XPO1: variants seen among roughly 807,000 people sequenced by gnomAD.
XPO1 encodes the protein exportin 1, also known as exportin-1.
A neutral mutation model predicts 133.3 loss-of-function variants in XPO1; 5 were observed. That is an observed-to-expected ratio of 0.04 (90% CI 0.02 to 0.08). The LOEUF is 0.08. XPO1 is among the 10% of genes least tolerant of loss of function. The probability of loss-of-function intolerance (pLI) is 1.00; values close to 1 mark genes in which losing one functional copy is unlikely to be tolerated. For synonymous variants in XPO1, 419 were observed against 408.2 expected, an observed-to-expected ratio of 1.03 and a Z score of -0.32; for missense variants, 506 against 1,267.5, an observed-to-expected ratio of 0.40 and a Z score of 9.12.
At position 61,488,739 on chromosome 2, in the gene XPO1, G is replaced by A. The variant is rs1406912133; in HGVS notation, c.2055C>T (p.Val685=). 2.5e-6 allele frequency: 4 copies of A among 1,614,054 alleles called. No individual in the cohort carries two copies. In the South Asian group the frequency reaches 4.4e-5, roughly 18 times the overall value. The stretch of plus-strand genomic sequence containing the variant: ...TTTTCAAAATGCTACCAAGCTGCTT[G>A]ACTGTTTCAGGATCTTTCAGTATAT... The part of the protein sequence containing the change: ...NVDILKDPET[V]KQLGSILKTN... The change falls in exon 18 of 25, where the codon GTC becomes GTT. Residue 685 remains valine, a synonymous_variant. Transcript: ENST00000401558.
chr2:61,530,527 T>TC (rs1699102624), intron 2 of XPO1, among the ~76,000 whole-genome samples: 1 of 152,164 alleles, frequency 6.6e-6, no homozygotes, highest in Non-Finnish European at 1.5e-5. Flanking sequence ...GGAGAAAACA[T>TC]CCAACTCTTC....
intron 1 of XPO1, among the ~76,000 whole-genome samples, chr2:61,535,583 A>G (rs928854349): frequency 2.0e-5 from 3 of 152,258 alleles, no homozygotes; most frequent in African/African-American, 7.2e-5. Flanking sequence ...ATTTTAATGC[A>G]ATTGTCTTAT....
At chr2:61,482,603 T>TG (rs1011994966) in intron 22 of XPO1, 64 bp from the exon 23 acceptor site, 2 of 1,320,430 alleles carry the variant, frequency 1.5e-6, no homozygotes, top group African/African-American at 4.3e-5. Flanking sequence ...TAGCGTTTTT[T>TG]TTTGTTTTGT....
At chr2:61,486,364 G>A (rs1055501875) in intron 19 of XPO1, among the ~76,000 whole-genome samples, 1 of 152,166 alleles carries the variant, frequency 6.6e-6, no homozygotes, top group East Asian at 1.9e-4. Flanking sequence ...AGAAAAGTGA[G>A]GCTCAAAATT....
At chr2:61,513,663 A>G (rs989194713) in intron 4 of XPO1, among the ~76,000 whole-genome samples, 1 of 152,142 alleles carries the variant, frequency 6.6e-6, no homozygotes, top group African/African-American at 2.4e-5. Context: ...TTTGCATGAC[A>G]AAGATTTCTT....
chr2:61,506,553 C>G (rs935329959), intron 4 of XPO1, among the ~76,000 whole-genome samples: 3 of 132,896 alleles, frequency 2.3e-5, no homozygotes, highest in African/African-American at 8.7e-5. Context: ...GAGCCAAGAT[C>G]GTGCCACTGC....
At chr2:61,525,825 C>T (rs941619889) in intron 3 of XPO1, 1 of 1,039,920 alleles carries the variant, frequency 9.6e-7, no homozygotes, top group Non-Finnish European at 1.2e-6. Flanking sequence ...GGAAACCTTT[C>T]GTGTATTAAA....
intron 3 of XPO1, 84 bp from the exon 4 acceptor site, chr2:61,522,767 C>A (rs1404032895): frequency 2.1e-6 from 2 of 952,296 alleles, no homozygotes; most frequent in African/African-American, 3.3e-5. Flanking sequence ...CAGACATTCA[C>A]ACATTTACAT....
In XPO1 at chr2:61,525,083, A is replaced by G. The variant is rs1012073638; in HGVS notation, c.228+1337T>C. On this transcript the variant is annotated intron_variant, in intron 3 of 24. Transcript: ENST00000401558. Reference sequence around the variant, plus strand: ...AATCCACTGCTGAGTTATGAAGATGAGGGACAGATAACAGCAAAGACTAAA... The same window carrying G: ...AATCCACTGCTGAGTTATGAAGATGGGGGACAGATAACAGCAAAGACTAAA... Among the ~76,000 whole-genome samples the G allele has an allele frequency of 2.0e-5, 3 of 152,166 alleles. No homozygotes were observed. The South Asian group carries it at 6.2e-4, about 32-fold the overall frequency.
At chr2:61,518,571 C>T (rs1698527393) in intron 4 of XPO1, among the ~76,000 whole-genome samples, 1 of 148,980 alleles carries the variant, frequency 6.7e-6, no homozygotes, top group Non-Finnish European at 1.5e-5. Flanking sequence ...GAGCCGAGAT[C>T]ACGCCACTGC....
In XPO1 at chr2:61,526,497, T is replaced by C. The variant is rs1350405789; in HGVS notation, c.151A>G (p.Thr51Ala). 6.3e-7 allele frequency: 1 copy of C among 1,595,642 alleles called. No individual in the cohort carries two copies. The highest frequency in any genetic ancestry group is 1.4e-5 in the African/African-American group (1 of 73,948). Residue 51 changes from threonine (T) to alanine (A), a missense_variant, in exon 3 of 25, where the codon ACA becomes GCA. Around this residue, in one of 6 missense-constraint regions of XPO1, gnomAD observed 68 missense variants for 210.5 expected, o/e 0.32. Transcript: ENST00000401558. ...AQQRMAQEVLTHLKEHPDAWT... is the reference protein window; with the variant it reads ...AQQRMAQEVLAHLKEHPDAWT... ...GCATCAGGATGCTCCTTTAAATGTG[T>C]CAGTACTTCTTGAGCCATTCTTTGC...
At chr2:61,498,977 A>G (rs1304085979) in intron 7 of XPO1, 64 bp from the exon 8 acceptor site, 3 of 1,476,212 alleles carry the variant, frequency 2.0e-6, no homozygotes, top group Non-Finnish European at 2.7e-6. Context: ...TCAGTTATCT[A>G]TAATACTAAT....
chr2:61,496,898 G>A lies in XPO1; in HGVS notation c.869C>T (p.Thr290Ile), dbSNP rs776572018. The stretch of plus-strand genomic sequence containing the variant: ...TATTACCTGCTTTAGTTGCATCATT[G>A]TCAGAGTAAATAGTGTTACAAATTG... Reference protein sequence around the residue: ...EEQFVTLFTLTMMQLKQMLPL... With the variant: ...EEQFVTLFTLIMMQLKQMLPL... The change falls in exon 10 of 25, where the codon ACA (threonine) becomes ATA (isoleucine). Residue 290 changes from threonine to isoleucine, a missense_variant. Physicochemically the swap from Thr to Ile is moderately conservative, Grantham distance 89. Transcript: ENST00000401558. 6.2e-7 allele frequency: 1 copy of A among 1,604,078 alleles called. No homozygotes were observed. The highest frequency in any genetic ancestry group is 8.5e-7 in the Non-Finnish European group (1 of 1,176,808).
intron 2 of XPO1, among the ~76,000 whole-genome samples, chr2:61,528,720 G>A (rs1462961726): frequency 7.9e-6 from 1 of 126,414 alleles, no homozygotes; most frequent in Non-Finnish European, 1.6e-5. Flanking sequence ...ATCCAGCCAT[G>A]TCGACATTTT....
chr2:61,532,405 G>GC (rs1558683714), intron 2 of XPO1, among the ~76,000 whole-genome samples: 3 of 152,024 alleles, frequency 2.0e-5, no homozygotes, highest in South Asian at 4.1e-4. Flanking sequence ...GGGATTACAG[G>GC]CGTGAGCCAC....
At chr2:61,515,942 CA>C (rs1558664315) in intron 4 of XPO1, among the ~76,000 whole-genome samples, 57 of 48,562 alleles carry the variant, frequency 1.2e-3, no homozygotes, top group African/African-American at 2.2e-3. Context: ...AAAAACCACA[CA>C]CACACACACA....
At chr2:61,484,271 C>G in intron 20 of XPO1, 166 bp from the exon 21 acceptor site, 1 of 578,854 alleles carries the variant, frequency 1.7e-6, no homozygotes, top group Non-Finnish European at 3.0e-6. Flanking sequence ...CAATCCACCT[C>G]TCACGGAAAA....
intron 4 of XPO1, among the ~76,000 whole-genome samples, chr2:61,509,103 C>T (rs141774652): frequency 0.016 from 2,363 of 152,048 alleles, 52 homozygotes; most frequent in African/African-American, 0.053. Flanking sequence ...CGAGTTCAAG[C>T]GATTCTCCTG....
chr2:61,499,370 G>A (rs911932603), intron 7 of XPO1, among the ~76,000 whole-genome samples: 2 of 152,098 alleles, frequency 1.3e-5, no homozygotes, highest in Non-Finnish European at 2.9e-5. Context: ...CCAAGATTGC[G>A]CTGCTGCACT....
Sources: gnomAD v4.1 joint callset for allele counts (sites outside exome capture counted in the v4.1 genomes callset) on GRCh38, gnomAD v4.1.1 for gene constraint, gnomAD v4.1.1 regional missense constraint, MANE v1.5 for transcripts, NCBI Gene and HGNC (gene_info 2026-07-23, HGNC 2026-07-21) for gene names.